The following SP2 variants were observed in gnomAD, a reference collection of about 807,000 sequenced individuals.
SP2 encodes the protein transcription factor Sp2.
SP2 carries 9 observed loss-of-function variants against 50.1 expected under a neutral mutation model. The observed-to-expected ratio is 0.18, with a 90% confidence interval of 0.11 to 0.31. The LOEUF (loss-of-function observed/expected upper bound fraction) is 0.31. Among genes scored for constraint, SP2 ranks in the 10% least tolerant of loss-of-function variants. SP2 has a pLI of 1.00. For missense variants in SP2, 581 were observed against 806.5 expected (o/e 0.72, Z 3.39); for synonymous variants, 313 against 326.6 (o/e 0.96, Z 0.45).
At chr17:47,926,215 C>A (rs1567705161) in intron 6 of SP2, among the ~76,000 whole-genome samples, 1 of 151,904 alleles carries the variant, frequency 6.6e-6, no homozygotes. Context: ...CTGCGCCGGC[C>A]TGTTGATGCC....
Position 47,925,517 on chromosome 17 carries a change from C to A in SP2, c.1717C>A (p.Gln573Lys). 2 of 1,614,074 alleles carry A rather than the reference C, an allele frequency of 1.2e-6. No individual in the cohort carries two copies. Among genetic ancestry groups the A allele is most frequent in the Non-Finnish European group, 1.7e-6 (2 of 1,180,016 alleles). Residue 573 changes from glutamine (Q) to lysine (K), a missense_variant, in exon 6 of 7, where the codon CAA becomes AAA. Gln to Lys is a moderately conservative substitution (Grantham distance 53, BLOSUM62 1). Coordinates refer to ENST00000376741, the MANE Select transcript of SP2 (RefSeq NM_003110.6). ...GKRFTRSDEL[Q>K]RHARTHTGDK... ...GAGGTTCACACGGAGTGACGAGCTC[C>A]AACGGCATGCTCGCACCCACACAGG...
At chr17:47,904,045 G>A (rs568479645) in intron 1 of SP2, among the ~76,000 whole-genome samples, 1 of 152,064 alleles carries the variant, frequency 6.6e-6, no homozygotes, top group East Asian at 1.9e-4. Flanking sequence ...GGCGGATCAC[G>A]AGGTCAGGAG....
At chr17:47,914,180 G>C (rs1476063103) in intron 1 of SP2, among the ~76,000 whole-genome samples, 1 of 152,210 alleles carries the variant, frequency 6.6e-6, no homozygotes, top group African/African-American at 2.4e-5. Context: ...AGAACAGCCT[G>C]ACCAACATGG....
At chr17:47,904,921 C>T (rs745531126) in intron 1 of SP2, among the ~76,000 whole-genome samples, 1 of 152,116 alleles carries the variant, frequency 6.6e-6, no homozygotes, top group Non-Finnish European at 1.5e-5. Flanking sequence ...AGGCACACAC[C>T]ACCACACCCA....
intron 1 of SP2, chr17:47,897,206 C>T (rs1567685191): frequency 6.6e-6 from 1 of 152,288 alleles, no homozygotes; most frequent in Non-Finnish European, 1.5e-5. Flanking sequence ...CTTATCCATG[C>T]TTCTTATGTT....
rs2035219073 is a variant in SP2 at position 47,916,709 on chromosome 17, C to T, written c.638C>T (p.Thr213Ile). Residue 213 changes from threonine (T) to isoleucine (I), a missense_variant, in exon 3 of 7, where the codon ACT becomes ATT. Thr to Ile is a moderately conservative substitution (Grantham distance 89). This residue lies in a region of SP2 where 397 missense variants were observed against 491.0 expected (regional missense o/e 0.81). Transcript: ENST00000376741. This position sits in a 1 kb window ranked among gnomAD's most constrained non-coding sequence, Gnocchi z 4.7. ...LTGGGGNVTL[T>I]LPVNNLVNAS... is the part of the protein sequence containing the mutation. ...GGTGGGGGCGGCAATGTGACGCTCA[C>T]TCTGCCCGTCAACAACCTTGTGAAC... The T allele has an allele frequency of 6.2e-7, 1 of 1,613,430 alleles. No individual in the cohort carries two copies. The highest frequency in any genetic ancestry group is 8.5e-7 in the Non-Finnish European group (1 of 1,179,524).
rs1185413613 is a variant in SP2 at position 47,905,378 on chromosome 17, T to C, written c.7+9085T>C. Among the ~76,000 whole-genome samples the C allele has an allele frequency of 2.0e-5, 3 of 152,172 alleles. No individual in the cohort carries two copies. The East Asian group carries it at 5.8e-4, about 29-fold the overall frequency. ...GAAAGACTGTTTGCACAGTGTGAAA[T>C]TCCTCCAGGGGAAATACCATAGCAA... On this transcript the variant is annotated intron_variant, in intron 1 of 6. Transcript: ENST00000376741.
At chr17:47,901,240 C>T (rs148283107) in intron 1 of SP2, among the ~76,000 whole-genome samples, 212 of 151,404 alleles carry the variant, frequency 1.4e-3, no homozygotes, top group Admixed American at 8.5e-3. Context: ...CTCTGCCTCC[C>T]GGGTTCAAGC....
At chr17:47,931,054 C>G (rs1047045490), downstream of SP2, among the ~76,000 whole-genome samples, 2 of 151,984 alleles carry the variant, frequency 1.3e-5, no homozygotes, top group Middle Eastern at 3.2e-3. Context: ...TTACAATCAT[C>G]TTTCTGGCCG....
intron 1 of SP2, among the ~76,000 whole-genome samples, chr17:47,907,772 A>G (rs963543762): frequency 7.2e-5 from 11 of 152,224 alleles, no homozygotes; most frequent in African/African-American, 2.7e-4. Flanking sequence ...GCTCGCTTTA[A>G]ATAGTATGAA....
chr17:47,906,865 G>T (rs2034783785), intron 1 of SP2, among the ~76,000 whole-genome samples: 1 of 152,162 alleles, frequency 6.6e-6, no homozygotes, highest in South Asian at 2.1e-4. Context: ...CTATGAGTTG[G>T]CAGCCTGTGG....
chr17:47,896,675 G>A (rs1399657760), intron 1 of SP2, among the ~76,000 whole-genome samples: 1 of 152,212 alleles, frequency 6.6e-6, no homozygotes, highest in Non-Finnish European at 1.5e-5. Flanking sequence ...CTCTGAGGAG[G>A]CAGCCAACAG....
chr17:47,930,263 G>A (rs1165594996), downstream of SP2, among the ~76,000 whole-genome samples: 1 of 152,230 alleles, frequency 6.6e-6, no homozygotes, highest in Non-Finnish European at 1.5e-5. Context: ...GATTGGTGGA[G>A]AGAAGGGGAA....
intron 6 of SP2, among the ~76,000 whole-genome samples, chr17:47,926,209 G>A (rs531968118): frequency 4.6e-5 from 7 of 151,866 alleles, no homozygotes; most frequent in South Asian, 2.1e-4. Context: ...GAGCCACTGC[G>A]CCGGCCTGTT....
In SP2 at chr17:47,916,157, A is replaced by G. The variant is rs1302885177; in HGVS notation, c.86A>G (p.Asp29Gly). 6.3e-7 allele frequency: 1 copy of G among 1,593,982 alleles called. No homozygotes were observed. Among genetic ancestry groups the G allele is most frequent in the Admixed American group, 1.7e-5 (1 of 57,282 alleles). The change falls in exon 3 of 7, where the codon GAC becomes GGC. Residue 29 changes from aspartate (D) to glycine (G), a missense_variant and splice_region_variant. By Grantham distance (94) the Asp-to-Gly change is moderately conservative. This residue lies in a region of SP2 where 397 missense variants were observed against 491.0 expected (regional missense o/e 0.81). Transcript: ENST00000376741. This position sits in a 1 kb window ranked among gnomAD's most constrained non-coding sequence, Gnocchi z 4.7. ...YLQPAASTTQ[D>G]SQPSPLALLA... ...CTTTTCTCTGCTGTTTTTTTGCAGG[A>G]CTCCCAGCCATCTCCCTTAGCCCTG...
rs1370428058 is a variant in SP2 at position 47,921,210 on chromosome 17, C to T, written c.1060-1752C>T. Among the ~76,000 whole-genome samples the T allele has an allele frequency of 5.3e-5, 8 of 152,148 alleles. No homozygotes were observed. In the East Asian group the frequency reaches 1.5e-3, roughly 29 times the overall value. ...TTTAATTCTGTCATTGTCTTCCTCC[C>T]CCATTTATTTATTTATGTCATTATG... On this transcript the variant is annotated intron_variant, in intron 3 of 6. Coordinates refer to ENST00000376741, the MANE Select transcript of SP2 (RefSeq NM_003110.6).
chr17:47,909,421 A>AT (rs1351756551), intron 1 of SP2, among the ~76,000 whole-genome samples: 1 of 151,900 alleles, frequency 6.6e-6, no homozygotes, highest in East Asian at 1.9e-4. Context: ...TGGAGGACTT[A>AT]TTTTTTTTAA....
intron 4 of SP2, 114 bp from the exon 5 acceptor site, chr17:47,924,805 C>T (rs752942750): frequency 3.3e-6 from 3 of 911,984 alleles, no homozygotes; most frequent in South Asian, 1.8e-5. Context: ...ATACAGCAGG[C>T]TCTCAAAAAT....
intron 4 of SP2, 145 bp from the exon 5 acceptor site, chr17:47,924,774 G>A (rs2045842539): frequency 1.5e-6 from 1 of 669,146 alleles, no homozygotes; most frequent in East Asian, 2.7e-5. Context: ...CTGTACAAAG[G>A]TCCTTAAAAT....
Sources: allele counts gnomAD v4.1 joint callset (sites outside exome capture counted in the v4.1 genomes callset), GRCh38; gene constraint gnomAD v4.1.1; regional missense constraint gnomAD v4.1.1; non-coding constraint Gnocchi (gnomAD v3.1); transcripts MANE v1.5; gene names NCBI Gene and HGNC (gene_info 2026-07-23, HGNC 2026-07-21).